The following PTPN9 variants were observed in gnomAD, a reference collection of about 807,000 sequenced individuals.
The protein encoded by PTPN9 is tyrosine-protein phosphatase non-receptor type 9.
In PTPN9, 26 loss-of-function variants were observed where a neutral mutation model predicts 69.8. The ratio of observed to expected loss-of-function variants is 0.37; its 90% CI spans 0.27 to 0.52. The LOEUF (loss-of-function observed/expected upper bound fraction) is 0.52, where lower values mean the gene tolerates loss of function less well. Ranked by LOEUF, PTPN9 falls within the 20% of genes least tolerant of loss-of-function variation. The pLI, the probability that PTPN9 is intolerant of heterozygous loss-of-function variation, is 0.91. For missense variants in PTPN9, 549 were observed against 740.3 expected, an observed-to-expected ratio of 0.74 and a Z score of 3.00; for synonymous variants, 274 against 272.5, an observed-to-expected ratio of 1.01 and a Z score of -0.05.
rs372704241 is a variant in PTPN9 at position 75,467,720 on chromosome 15, C to T, written c.*1049G>A. 5.2e-5 allele frequency: 8 copies of T among 152,708 alleles called. No homozygotes were observed. The highest frequency in any genetic ancestry group is 7.2e-5 in the African/African-American group (3 of 41,536). 9.5% of individuals were successfully genotyped at this position (152,708 alleles called of 1,614,324 possible). ...GCTCCCCCTCCTTCCTTCTAAGATT[C>T]GTACCGATTGCATTTGGCTCTGGCT... On this transcript the variant is annotated 3_prime_UTR_variant, in exon 13 of 13. Transcript: ENST00000618819.
intron 5 of PTPN9, among the ~76,000 whole-genome samples, chr15:75,510,520 G>A (rs1032832313): frequency 3.3e-5 from 5 of 152,166 alleles, no homozygotes; most frequent in African/African-American, 1.2e-4. Flanking sequence ...TATAGGCATT[G>A]AGCCACTGCT....
chr15:75,500,346 C>CAT lies in PTPN9; in HGVS notation c.968+5328_968+5329insAT, dbSNP rs1226372808. Among the ~76,000 whole-genome samples the CAT allele has an allele frequency of 4.4e-5, 6 of 136,968 alleles. No individual in the cohort carries two copies. In the South Asian group the frequency reaches 9.1e-4, roughly 21 times the overall value. The allele number at this position is 136,968 out of a possible 152,430, so 89.9% of individuals were successfully genotyped here. On this transcript the variant is annotated intron_variant, in intron 7 of 12. Coordinates refer to ENST00000618819, the MANE Select transcript of PTPN9 (RefSeq NM_002833.4). ...ATAAATAAATAAACAAACATACATA[C>CAT]ACACACACACACACACACACACACA... is the stretch of plus-strand genomic sequence containing the variant.
At chr15:75,514,709 A>G (rs887908047) in intron 5 of PTPN9, among the ~76,000 whole-genome samples, 3 of 152,250 alleles carry the variant, frequency 2.0e-5, no homozygotes, top group African/African-American at 7.2e-5. Context: ...GGATTAGAAT[A>G]ATATATTAAA....
intron 1 of PTPN9, among the ~76,000 whole-genome samples, chr15:75,548,130 GAA>G (rs2075041904): frequency 6.6e-6 from 1 of 152,086 alleles, no homozygotes. Flanking sequence ...CCCAGAACAA[GAA>G]AAGTGGTAGA....
intron 8 of PTPN9, among the ~76,000 whole-genome samples, chr15:75,482,018 G>A (rs374609409): frequency 7.3e-6 from 1 of 136,846 alleles, no homozygotes; most frequent in South Asian, 2.6e-4. Context: ...AATAGAAAGG[G>A]GGGAAAGGTG....
At chr15:75,509,174 A>T (rs763395306) in intron 5 of PTPN9, 147 bp from the exon 6 acceptor site, 27 of 605,852 alleles carry the variant, frequency 4.5e-5, no homozygotes, top group Non-Finnish European at 7.0e-5. Flanking sequence ...GCTAGAGGAA[A>T]AGTGGTTAAA....
intron 9 of PTPN9, among the ~76,000 whole-genome samples, chr15:75,476,049 G>T (rs1297670944): frequency 1.3e-5 from 2 of 152,122 alleles, no homozygotes; most frequent in African/African-American, 4.8e-5. Context: ...TGAGGTGAGA[G>T]GATCACCTGT....
At chr15:75,549,606 G>A (rs557017078) in intron 1 of PTPN9, among the ~76,000 whole-genome samples, 2 of 152,152 alleles carry the variant, frequency 1.3e-5, no homozygotes, top group Non-Finnish European at 2.9e-5. Context: ...ACAAAAAACA[G>A]AAGGCATAGT....
chr15:75,471,220 A>G (rs1420795959), intron 10 of PTPN9, among the ~76,000 whole-genome samples: 1 of 151,960 alleles, frequency 6.6e-6, no homozygotes, highest in African/African-American at 2.4e-5. Flanking sequence ...AGAATCACCT[A>G]AGACCAGGAG....
intron 1 of PTPN9, among the ~76,000 whole-genome samples, chr15:75,558,067 C>A (rs1437562965): frequency 6.6e-6 from 1 of 152,198 alleles, no homozygotes; most frequent in Non-Finnish European, 1.5e-5. Context: ...CAGTCGCTCA[C>A]ACCTGTAATC....
chr15:75,578,762 G>C lies in PTPN9; in HGVS notation c.15C>G (p.Thr5=). The part of the protein sequence containing the change: MEPA[T]APRPDMAPEL... ...CCGGCGCCATGTCGGGCCGGGGCGC[G>C]GTCGCGGGCTCCATCCCCCCGCCAC... The change falls in exon 1 of 13, where the codon ACC becomes ACG. Residue 5 remains threonine, a synonymous_variant. Coordinates refer to ENST00000618819, the MANE Select transcript of PTPN9 (RefSeq NM_002833.4). The C allele has an allele frequency of 7.8e-7, 1 of 1,282,220 alleles. No individual in the cohort carries two copies. Among genetic ancestry groups the C allele is most frequent in the Non-Finnish European group, 9.8e-7 (1 of 1,016,386 alleles). The allele number at this position is 1,282,220 out of a possible 1,614,324, so 79.4% of individuals were successfully genotyped here.
chr15:75,499,830 C>T (rs370475496), intron 7 of PTPN9, among the ~76,000 whole-genome samples: 3 of 151,996 alleles, frequency 2.0e-5, no homozygotes, highest in African/African-American at 7.2e-5. Flanking sequence ...AAGTGTGCAT[C>T]CTCTTAGATC....
chr15:75,558,758 T>C (rs913527901), intron 1 of PTPN9, among the ~76,000 whole-genome samples: 1 of 152,214 alleles, frequency 6.6e-6, no homozygotes, highest in African/African-American at 2.4e-5. Context: ...CTCCAGCTCC[T>C]AACCGCGAGT....
chr15:75,515,759 G>A (rs1162207682), intron 5 of PTPN9, among the ~76,000 whole-genome samples: 1 of 151,986 alleles, frequency 6.6e-6, no homozygotes, highest in African/African-American at 2.4e-5. Context: ...TTGGCCGGGC[G>A]GGGTGGCAGG....
chr15:75,494,131 CATATATATATAT>C (rs71140166), intron 7 of PTPN9, among the ~76,000 whole-genome samples: 1 of 143,518 alleles, frequency 7.0e-6, no homozygotes, highest in Non-Finnish European at 1.5e-5. Context: ...TTATCAATCC[CATATATATATAT>C]ATATATATAT....
chr15:75,471,659 T>C (rs2141670052), intron 10 of PTPN9, among the ~76,000 whole-genome samples: 1 of 150,200 alleles, frequency 6.7e-6, no homozygotes, highest in Non-Finnish European at 1.5e-5. Context: ...CTCATGCCTG[T>C]AATTCCAGCA....
Position 75,527,266 on chromosome 15 carries a change from T to A in PTPN9, c.64-5A>T, listed in dbSNP as rs1055608163. ...TTCGAGAAACTGCTTGGTAGCCTGTTTGACAAAGAAAGAAAGAATAATTAG... is the reference window on the plus strand; with the variant it reads ...TTCGAGAAACTGCTTGGTAGCCTGTATGACAAAGAAAGAAAGAATAATTAG... On this transcript the variant is annotated splice_polypyrimidine_tract_variant and splice_region_variant and intron_variant, in intron 1 of 12. Coordinates refer to ENST00000618819, the MANE Select transcript of PTPN9 (RefSeq NM_002833.4). The A allele has an allele frequency of 1.9e-6, 3 of 1,613,706 alleles. No homozygotes were observed. Among genetic ancestry groups the A allele is most frequent in the Non-Finnish European group, 2.5e-6 (3 of 1,179,778 alleles).
chr15:75,508,826 G>A (rs1390474033), intron 6 of PTPN9, 91 bp downstream of exon 6: 10 of 948,592 alleles, frequency 1.1e-5, no homozygotes, highest in Middle Eastern at 2.1e-4. Flanking sequence ...TAGAAGACAC[G>A]CCAGGAGGAT....
chr15:75,533,199 A>T (rs1020705546), intron 1 of PTPN9, among the ~76,000 whole-genome samples: 11 of 152,228 alleles, frequency 7.2e-5, no homozygotes, highest in African/African-American at 2.4e-4. Flanking sequence ...GAATTGATAT[A>T]TGGAGAAACT....
Sources: allele counts gnomAD v4.1 joint callset (sites outside exome capture counted in the v4.1 genomes callset), GRCh38; gene constraint gnomAD v4.1.1; transcripts MANE v1.5; gene names NCBI Gene and HGNC (gene_info 2026-07-23, HGNC 2026-07-21).